The following NPAS3 variants were observed in gnomAD, a reference collection of about 807,000 sequenced individuals.
The protein encoded by NPAS3 is neuronal PAS domain protein 3.
A neutral mutation model predicts 73.1 loss-of-function variants in NPAS3; 14 were observed. The observed-to-expected ratio is 0.19, with a 90% CI of 0.13 to 0.30. The LOEUF is 0.30. Among genes scored for constraint, NPAS3 ranks in the 10% least tolerant of loss-of-function variants. The pLI is 1.00. For missense variants in NPAS3, 1,096 were observed against 1,250.0 expected (o/e 0.88, Z 1.86); for synonymous variants, 620 against 541.5 (o/e 1.14, Z -2.01).
At chr14:33,311,642 G>A (rs933205197) in intron 3 of NPAS3, among the ~76,000 whole-genome samples, 4 of 152,128 alleles carry the variant, frequency 2.6e-5, no homozygotes, top group African/African-American at 9.7e-5. Context: ...GCATGCATGA[G>A]TCCGTCCCAT....
At chr14:33,776,912 CAGAGAAGGGCT>C (rs781578642) in intron 8 of NPAS3, among the ~76,000 whole-genome samples, 7 of 152,112 alleles carry the variant, frequency 4.6e-5, no homozygotes, top group Non-Finnish European at 7.4e-5. Flanking sequence ...GGCTCTGGTA[CAGAGAAGGGCT>C]TGGATCGTTT....
chr14:33,288,280 T>G (rs2140097252), intron 3 of NPAS3, among the ~76,000 whole-genome samples: 1 of 152,278 alleles, frequency 6.6e-6, no homozygotes, highest in South Asian at 2.1e-4. Flanking sequence ...CCTTGTGCAT[T>G]TTTCATACAT....
intron 3 of NPAS3, among the ~76,000 whole-genome samples, chr14:33,258,092 C>G (rs746532667): frequency 3.2e-4 from 49 of 152,124 alleles, no homozygotes; most frequent in Admixed American, 5.9e-4. Context: ...TGCTAAGGTA[C>G]TTATGAAATT....
At chr14:33,605,807 A>G (rs906393149) in intron 5 of NPAS3, among the ~76,000 whole-genome samples, 5 of 152,030 alleles carry the variant, frequency 3.3e-5, no homozygotes, top group African/African-American at 1.2e-4. Flanking sequence ...ACATTGATCT[A>G]TAGATTCAAT....
intron 1 of NPAS3, 106 bp from the exon 2 acceptor site, chr14:33,055,799 G>GGTGGCCGC: frequency 1.5e-6 from 1 of 662,244 alleles, no homozygotes; most frequent in Non-Finnish European, 2.7e-6. Flanking sequence ...GAGCTCAAAA[G>GGTGGCCGC]CGTAAAAAGC....
At chr14:33,604,022 A>G (rs181581612) in intron 5 of NPAS3, among the ~76,000 whole-genome samples, 1 of 152,106 alleles carries the variant, frequency 6.6e-6, no homozygotes, top group African/African-American at 2.4e-5. Context: ...TAAAAAAAAA[A>G]CAAAGAGTTA....
At chr14:33,718,833 T>G (rs930456142) in intron 6 of NPAS3, among the ~76,000 whole-genome samples, 2 of 152,124 alleles carry the variant, frequency 1.3e-5, no homozygotes, top group Non-Finnish European at 2.9e-5. Flanking sequence ...CACACAAGGC[T>G]GTAAAGCTGC....
intron 1 of NPAS3, among the ~76,000 whole-genome samples, chr14:32,944,971 T>G (rs1251860359): frequency 6.6e-6 from 1 of 152,216 alleles, no homozygotes; most frequent in African/African-American, 2.4e-5. Flanking sequence ...TTCAGCTTCA[T>G]TTATTGAACC....
chr14:33,703,484 A>T (rs2060576546), intron 6 of NPAS3, among the ~76,000 whole-genome samples: 1 of 152,060 alleles, frequency 6.6e-6, no homozygotes, highest in African/African-American at 2.4e-5. Flanking sequence ...ACAGAGCAAG[A>T]CCCTGTCTCT....
rs796202213 is a variant in NPAS3, at chr14:33,490,837, C to T, written c.469-69284C>T. On this transcript the variant is annotated intron_variant, in intron 4 of 11. Coordinates refer to ENST00000356141, the Ensembl canonical transcript of NPAS3. ...AGGAGCAAGCTCCTCTCCTAGAGAG[C>T]CTCAGATGCCGCTGCCAGTAGCACC... 3.9e-5 allele frequency among the ~76,000 whole-genome samples: 6 copies of T among 152,318 alleles called. 1 individual carries two copies. The highest frequency in any genetic ancestry group is 1.4e-4 in the African/African-American group (6 of 41,588).
At chr14:33,551,185 T>G (rs1416649604) in intron 4 of NPAS3, among the ~76,000 whole-genome samples, 1 of 152,188 alleles carries the variant, frequency 6.6e-6, no homozygotes, top group Non-Finnish European at 1.5e-5. Context: ...ATGCCTTTTC[T>G]CTGGAGATAC....
Position 33,800,944 on chromosome 14 carries a change from C to A in NPAS3, c.2637C>A (p.Leu879=). 6.2e-7 allele frequency: 1 copy of A among 1,606,610 alleles called. No individual in the cohort carries two copies. Among genetic ancestry groups the A allele is most frequent in the East Asian group, 2.3e-5 (1 of 44,260 alleles). Residue 879 remains leucine (L), a synonymous_variant, in exon 12 of 12, where the codon CTC becomes CTA. Coordinates refer to ENST00000356141, the Ensembl canonical transcript of NPAS3. This position sits in a 1 kb window ranked among gnomAD's most constrained non-coding sequence, Gnocchi z 6.5. The stretch of plus-strand genomic sequence containing the variant: ...TGCTCTACCACCACGTGCACCGGCT[C>A]AACATGTCAGGACCGTTCGGCGGCG...
chr14:33,511,476 C>A (rs998133032), intron 4 of NPAS3, among the ~76,000 whole-genome samples: 2 of 151,932 alleles, frequency 1.3e-5, no homozygotes, highest in African/African-American at 4.8e-5. Context: ...TAAACAAGAT[C>A]GAAGGATATA....
At chr14:33,283,757 C>T (rs2041728918) in intron 3 of NPAS3, among the ~76,000 whole-genome samples, 1 of 152,168 alleles carries the variant, frequency 6.6e-6, no homozygotes, top group African/African-American at 2.4e-5. Flanking sequence ...AGGAAGACCA[C>T]TAATCATTGT....
intron 5 of NPAS3, among the ~76,000 whole-genome samples, chr14:33,575,253 T>C (rs1421967738): frequency 6.6e-6 from 1 of 152,232 alleles, no homozygotes; most frequent in Non-Finnish European, 1.5e-5. Context: ...TAACTGATGA[T>C]CGAGTCCAGT....
At chr14:32,973,213 T>TG (rs1483276590) in intron 1 of NPAS3, among the ~76,000 whole-genome samples, 3 of 152,196 alleles carry the variant, frequency 2.0e-5, no homozygotes, top group Non-Finnish European at 4.4e-5. Flanking sequence ...CATTCATCTG[T>TG]TTGGAGATTT....
intron 2 of NPAS3, among the ~76,000 whole-genome samples, chr14:33,142,948 A>G (rs1350913402): frequency 1.3e-5 from 2 of 151,854 alleles, no homozygotes; most frequent in East Asian, 3.9e-4. Context: ...CTAAAAAAAT[A>G]CAAAAAATTA....
intron 1 of NPAS3, among the ~76,000 whole-genome samples, chr14:32,948,119 T>A (rs930144273): frequency 2.0e-5 from 3 of 152,154 alleles, no homozygotes; most frequent in Non-Finnish European, 4.4e-5. Flanking sequence ...TACCAGCAGT[T>A]TTTAGTTTTT....
chr14:33,607,400 G>C (rs7158433), intron 5 of NPAS3, among the ~76,000 whole-genome samples: 32,442 of 145,210 alleles, frequency 0.22, 4,389 homozygotes, highest in African/African-American at 0.38. Flanking sequence ...GGTGAATTAA[G>C]CCAAACCAAA....
Sources: allele counts gnomAD v4.1 joint callset (sites outside exome capture counted in the v4.1 genomes callset), GRCh38; gene constraint gnomAD v4.1.1; non-coding constraint Gnocchi (gnomAD v3.1); transcripts MANE v1.5; gene names NCBI Gene and HGNC (gene_info 2026-07-23, HGNC 2026-07-21).